The following IL1RAPL1 variants were observed in gnomAD, a reference collection of about 807,000 sequenced individuals.
IL1RAPL1 encodes interleukin-1 receptor accessory protein-like 1.
In IL1RAPL1, 3 loss-of-function variants were observed where a neutral mutation model predicts 48.4. The observed-to-expected ratio is 0.06, with a 90% CI of 0.03 to 0.16. The LOEUF is 0.16. Ranked by LOEUF, IL1RAPL1 falls within the 10% of genes least tolerant of loss-of-function variation. IL1RAPL1 has a pLI of 1.00. For missense variants in IL1RAPL1, 349 were observed against 530.6 expected (o/e 0.66, Z 3.36); for synonymous variants, 185 against 187.7 (o/e 0.99, Z 0.12).
At chrX:29,122,807 T>C (rs897824100) in intron 2 of IL1RAPL1, among the ~76,000 whole-genome samples, 18 of 110,523 alleles carry the variant, frequency 1.6e-4, no homozygotes, top group African/African-American at 5.6e-4. Context: ...AATAAATAGT[T>C]CTTAGTTCTG....
chrX:29,048,106 C>T (rs1439815907), intron 2 of IL1RAPL1, among the ~76,000 whole-genome samples: 5 of 111,255 alleles, frequency 4.5e-5, no homozygotes, highest in Admixed American at 9.6e-5. Flanking sequence ...TCTTCTACCA[C>T]GTATTAATGT....
chrX:29,925,489 G>C (rs1228105721), intron 8 of IL1RAPL1, among the ~76,000 whole-genome samples: 4 of 79,784 alleles, frequency 5.0e-5, no homozygotes, highest in Admixed American at 1.9e-4. Context: ...ACGTCTAATA[G>C]CACAAATTAT....
chrX:29,221,105 A>T (rs769564907), intron 2 of IL1RAPL1, among the ~76,000 whole-genome samples: 1 of 111,092 alleles, frequency 9.0e-6, no homozygotes, highest in East Asian at 2.8e-4. Context: ...TTTTTAGTAG[A>T]GATGGGGCCA....
chrX:29,138,349 T>A (rs1388674137), intron 2 of IL1RAPL1, among the ~76,000 whole-genome samples: 2 of 112,472 alleles, frequency 1.8e-5, no homozygotes, highest in Non-Finnish European at 3.8e-5. Context: ...CAAATAACTC[T>A]CCACTTGCTA....
chrX:29,487,398 G>A (rs750865525), intron 5 of IL1RAPL1, among the ~76,000 whole-genome samples: 2 of 111,691 alleles, frequency 1.8e-5, no homozygotes, highest in Non-Finnish European at 3.8e-5. Flanking sequence ...CTGTGAGTGT[G>A]CTGTTCTTGC....
intron 6 of IL1RAPL1, among the ~76,000 whole-genome samples, chrX:29,718,100 A>G (rs1346327331): frequency 8.9e-6 from 1 of 111,935 alleles, no homozygotes; most frequent in African/African-American, 3.2e-5. Context: ...TGTATTGTAC[A>G]GGATTGTCAC....
intron 2 of IL1RAPL1, among the ~76,000 whole-genome samples, chrX:29,261,383 G>C (rs1312727311): frequency 9.0e-6 from 1 of 111,130 alleles, no homozygotes; most frequent in Non-Finnish European, 1.9e-5. Flanking sequence ...AAGTTTCCAA[G>C]AGACCTGGAA....
At chrX:28,746,928 A>G (rs2146955736) in intron 1 of IL1RAPL1, among the ~76,000 whole-genome samples, 1 of 111,162 alleles carries the variant, frequency 9.0e-6, no homozygotes, top group African/African-American at 3.3e-5. Context: ...TTATAACGCC[A>G]TTCTTTTCTT....
At chrX:28,825,288 A>G (rs1463216345) in intron 2 of IL1RAPL1, among the ~76,000 whole-genome samples, 1 of 111,668 alleles carries the variant, frequency 9.0e-6, no homozygotes, top group Admixed American at 9.5e-5. Flanking sequence ...CTGCTATAAG[A>G]TAGTCATCTC....
intron 2 of IL1RAPL1, among the ~76,000 whole-genome samples, chrX:29,082,829 G>A (rs1328003682): frequency 8.9e-6 from 1 of 111,993 alleles, no homozygotes; most frequent in Non-Finnish European, 1.9e-5. Context: ...TGATGTTTCT[G>A]CATAGTTATG....
intron 3 of IL1RAPL1, among the ~76,000 whole-genome samples, chrX:29,350,047 A>G (rs1933202169): frequency 9.5e-6 from 1 of 105,286 alleles, no homozygotes; most frequent in Non-Finnish European, 1.9e-5. Context: ...CCCGCTTCCA[A>G]TGCTCCTTTA....
At chrX:28,703,159 G>A (rs746911562) in intron 1 of IL1RAPL1, among the ~76,000 whole-genome samples, 11 of 111,345 alleles carry the variant, frequency 9.9e-5, no homozygotes, top group African/African-American at 1.6e-4. Flanking sequence ...AAGCAAGCTA[G>A]GAAGTCTTAC....
At position 29,515,619 on chromosome X, in the gene IL1RAPL1, C is replaced by T. The variant is rs1935437253; in HGVS notation, c.703+116311C>T. On this transcript the variant is annotated intron_variant, in intron 5 of 10. Coordinates refer to ENST00000378993, the MANE Select transcript of IL1RAPL1 (RefSeq NM_014271.4). Reference sequence around the variant, plus strand: ...GTAGTATTCTCTGGTATGGATATATCACAATTTGTTTAACCACTTACCTGA... The same window carrying T: ...GTAGTATTCTCTGGTATGGATATATTACAATTTGTTTAACCACTTACCTGA... Among the ~76,000 whole-genome samples the T allele has an allele frequency of 2.7e-5, 3 of 112,048 alleles. No homozygotes were observed. In the Admixed American group the frequency reaches 2.8e-4, roughly 11 times the overall value.
At chrX:28,769,296 G>A (rs780627918) in intron 1 of IL1RAPL1, among the ~76,000 whole-genome samples, 1 of 110,832 alleles carries the variant, frequency 9.0e-6, no homozygotes, top group South Asian at 3.8e-4. Flanking sequence ...TTTAGCATAA[G>A]TGTTCTAGTT....
At chrX:28,749,819 G>A (rs754380513) in intron 1 of IL1RAPL1, among the ~76,000 whole-genome samples, 1 of 108,629 alleles carries the variant, frequency 9.2e-6, no homozygotes, top group African/African-American at 3.4e-5. Context: ...AAAAAAATTT[G>A]CTCAGCCCAA....
chrX:28,744,220 A>G (rs1010630346), intron 1 of IL1RAPL1, among the ~76,000 whole-genome samples: 5 of 111,294 alleles, frequency 4.5e-5, no homozygotes, highest in African/African-American at 1.6e-4. Context: ...CCATGCACCT[A>G]TGACGGAGAG....
intron 1 of IL1RAPL1, among the ~76,000 whole-genome samples, chrX:28,713,707 C>G (rs1935468744): frequency 9.0e-6 from 1 of 111,126 alleles, no homozygotes; most frequent in African/African-American, 3.3e-5. Context: ...CAAACTCATA[C>G]ATGATATTTT....
At chrX:29,277,336 T>TA (rs774898227) in intron 2 of IL1RAPL1, among the ~76,000 whole-genome samples, 17 of 111,520 alleles carry the variant, frequency 1.5e-4, no homozygotes, top group African/African-American at 5.5e-4. Flanking sequence ...CTAAGAGAAG[T>TA]AAAAAAAGAA....
chrX:28,768,921 C>G (rs1267533579), intron 1 of IL1RAPL1, among the ~76,000 whole-genome samples: 1 of 102,356 alleles, frequency 9.8e-6, no homozygotes, highest in Non-Finnish European at 2.0e-5. Flanking sequence ...GGATGGATAC[C>G]TAAAGCTGAG....
Sources: gnomAD v4.1 joint callset for allele counts (sites outside exome capture counted in the v4.1 genomes callset) on GRCh38, gnomAD v4.1.1 for gene constraint, MANE v1.5 for transcripts, NCBI Gene and HGNC (gene_info 2026-07-23, HGNC 2026-07-21) for gene names.